Variants in PEBP4 observed in about 807,000 individuals in gnomAD.
The protein encoded by PEBP4 is phosphatidylethanolamine binding protein 4, also known as phosphatidylethanolamine-binding protein 4.
A neutral mutation model predicts 23.9 loss-of-function variants in PEBP4; 22 were observed. The observed-to-expected ratio is 0.92, with a 90% CI of 0.66 to 1.31. The LOEUF is 1.31. Ranked by LOEUF, PEBP4 falls within the 40% of genes most tolerant of loss-of-function variation. PEBP4 has a pLI of 0.00. For synonymous variants in PEBP4, 112 were observed against 99.3 expected (o/e 1.13, Z -0.76); for missense variants, 324 against 281.7 (o/e 1.15, Z -1.07).
chr8:22,848,135 A>G lies in PEBP4; in HGVS notation c.259-30400T>C, dbSNP rs1807478065. Among the ~76,000 whole-genome samples the G allele has an allele frequency of 2.0e-5, 3 of 152,150 alleles. No individual in the cohort carries two copies. The South Asian group carries it at 6.2e-4, about 32-fold the overall frequency. ...TGATGTCTGTCGGTCCATGTGCTGTAAATACCTTAAATCATGCTTCATTAA... is the reference window on the plus strand; with the variant it reads ...TGATGTCTGTCGGTCCATGTGCTGTGAATACCTTAAATCATGCTTCATTAA... On this transcript the variant is annotated intron_variant, in intron 3 of 6. Coordinates refer to ENST00000256404, the MANE Select transcript of PEBP4 (RefSeq NM_144962.3).
intron 1 of PEBP4, among the ~76,000 whole-genome samples, chr8:22,933,005 CA>C (rs11474736): frequency 0.25 from 34,001 of 134,146 alleles, 4,474 homozygotes; most frequent in East Asian, 0.41. Flanking sequence ...ACTCCGTCTC[CA>C]AAAAAAAAAA....
At chr8:22,798,644 G>A (rs1350093183) in intron 4 of PEBP4, 1 of 151,154 alleles carries the variant, frequency 6.6e-6, no homozygotes, top group African/African-American at 2.4e-5. Context: ...CGGGAACCGT[G>A]AGTAATAAAC....
At chr8:22,825,190 A>G (rs984942178) in intron 3 of PEBP4, among the ~76,000 whole-genome samples, 2 of 152,226 alleles carry the variant, frequency 1.3e-5, no homozygotes, top group Admixed American at 6.5e-5. Context: ...TTGTTCACCA[A>G]AGAAAGTGGA....
At chr8:22,787,803 G>T (rs770474992) in intron 4 of PEBP4, among the ~76,000 whole-genome samples, 8 of 152,208 alleles carry the variant, frequency 5.3e-5, no homozygotes, top group Non-Finnish European at 1.0e-4. Context: ...AGGTGAGAGG[G>T]GGCTCAGTTC....
chr8:22,836,966 T>A (rs1431456737), intron 3 of PEBP4, among the ~76,000 whole-genome samples: 2 of 152,050 alleles, frequency 1.3e-5, no homozygotes, highest in Non-Finnish European at 2.9e-5. Context: ...AATATCTCTA[T>A]CTCCCAAGCT....
chr8:22,742,643 G>A (rs575982430), intron 4 of PEBP4, among the ~76,000 whole-genome samples: 1 of 152,372 alleles, frequency 6.6e-6, no homozygotes, highest in South Asian at 2.1e-4. Context: ...GTGCTGCCTA[G>A]ACAGTGGCAG....
intron 3 of PEBP4, among the ~76,000 whole-genome samples, chr8:22,864,747 G>A (rs1008364777): frequency 2.0e-5 from 3 of 152,236 alleles, no homozygotes; most frequent in Admixed American, 6.5e-5. Context: ...AGGAAAGGGC[G>A]GAAGGGGTGA....
upstream of PEBP4, among the ~76,000 whole-genome samples, chr8:22,932,194 A>G (rs559907946): frequency 1.2e-4 from 18 of 152,328 alleles, no homozygotes; most frequent in African/African-American, 4.3e-4. Flanking sequence ...ATAGGCAAAT[A>G]CACAGGGACA....
At chr8:22,920,576 C>A (rs1585345175) in intron 2 of PEBP4, among the ~76,000 whole-genome samples, 2 of 152,296 alleles carry the variant, frequency 1.3e-5, no homozygotes, top group South Asian at 4.1e-4. Context: ...CAGAACCTGG[C>A]ACGTTGTAAG....
chr8:22,719,296 A>G (rs1329095042), intron 6 of PEBP4, among the ~76,000 whole-genome samples: 1 of 152,098 alleles, frequency 6.6e-6, no homozygotes, highest in Non-Finnish European at 1.5e-5. Context: ...TCGGCCTTGG[A>G]GTGGCTTCTG....
At chr8:22,844,852 G>A (rs1323903017) in intron 3 of PEBP4, among the ~76,000 whole-genome samples, 2 of 152,144 alleles carry the variant, frequency 1.3e-5, no homozygotes. Context: ...GGACCATGGT[G>A]GGCACTTGAC....
intron 4 of PEBP4, among the ~76,000 whole-genome samples, chr8:22,746,911 C>T (rs937320586): frequency 6.6e-6 from 1 of 152,164 alleles, no homozygotes; most frequent in Non-Finnish European, 1.5e-5. Flanking sequence ...AGTGCAGTGG[C>T]GTAATTACGG....
intron 3 of PEBP4, among the ~76,000 whole-genome samples, chr8:22,902,054 C>T (rs1436282399): frequency 6.6e-6 from 1 of 152,218 alleles, no homozygotes; most frequent in East Asian, 1.9e-4. Context: ...CGCAGTGGCT[C>T]ATGCCTGTAA....
At chr8:22,774,730 C>G (rs974015423) in intron 4 of PEBP4, among the ~76,000 whole-genome samples, 1 of 152,198 alleles carries the variant, frequency 6.6e-6, no homozygotes, top group Non-Finnish European at 1.5e-5. Flanking sequence ...CCCAGCCGTC[C>G]CCACCAGGAT....
chr8:22,843,366 A>C (rs749230354), intron 3 of PEBP4, among the ~76,000 whole-genome samples: 4 of 152,260 alleles, frequency 2.6e-5, no homozygotes, highest in Non-Finnish European at 5.9e-5. Context: ...AGAAGGGCCA[A>C]GGAAGAAAGG....
At chr8:22,770,009 A>G (rs1043309634) in intron 4 of PEBP4, among the ~76,000 whole-genome samples, 2 of 151,410 alleles carry the variant, frequency 1.3e-5, no homozygotes, top group Admixed American at 6.6e-5. Context: ...CCTCTTGTCC[A>G]CCCCGCCGCC....
At position 22,713,353 on chromosome 8, in the gene PEBP4, A is replaced by C. The variant is rs762579069; in HGVS notation, c.*17T>G. On this transcript the variant is annotated 3_prime_UTR_variant, in exon 7 of 7. Coordinates refer to ENST00000256404, the MANE Select transcript of PEBP4 (RefSeq NM_144962.3). ...GTGGGCAGTGTGGCCACATGCCCGG[A>C]TGGCAAAGCCGGCTATCTAGCAGGC... The C allele has an allele frequency of 6.4e-6, 10 of 1,563,644 alleles. 1 individual carries two copies. The South Asian group carries it at 1.2e-4, about 19-fold the overall frequency.
At chr8:22,808,627 A>C (rs1585284320) in intron 4 of PEBP4, among the ~76,000 whole-genome samples, 1 of 152,330 alleles carries the variant, frequency 6.6e-6, no homozygotes, top group East Asian at 1.9e-4. Flanking sequence ...CAGAGGTGAC[A>C]TCTGAGCTGG....
intron 4 of PEBP4, among the ~76,000 whole-genome samples, chr8:22,768,436 G>A (rs1459474490): frequency 6.6e-6 from 1 of 152,134 alleles, no homozygotes; most frequent in Non-Finnish European, 1.5e-5. Flanking sequence ...GTGCTCACGC[G>A]AGCCCCCCAC....
Sources: allele counts gnomAD v4.1 joint callset (sites outside exome capture counted in the v4.1 genomes callset), GRCh38; gene constraint gnomAD v4.1.1; transcripts MANE v1.5; gene names NCBI Gene and HGNC (gene_info 2026-07-23, HGNC 2026-07-21).